Variants in TMEM177 observed in about 807,000 individuals in gnomAD.
TMEM177 encodes the protein transmembrane protein 177.
Under a neutral mutation model 14.2 loss-of-function variants are expected in TMEM177, and 4 were observed. The ratio of observed to expected loss-of-function variants is 0.28; its 90% CI spans 0.14 to 0.64. TMEM177 has a LOEUF of 0.64. Ranked by LOEUF, TMEM177 falls within the 30% of genes least tolerant of loss-of-function variation. TMEM177 has a pLI of 0.82. For synonymous variants in TMEM177, 179 were observed against 174.5 expected (o/e 1.03, Z -0.20); for missense variants, 344 against 405.2 (o/e 0.85, Z 1.30).
At chr2:119,711,336 TCAAA>T in the TMEM177 span, among the ~76,000 whole-genome samples, 1 of 152,176 alleles carries the variant, frequency 6.6e-6, no homozygotes, top group Non-Finnish European at 1.5e-5. Flanking sequence ...CCCACGGAGT[TCAAA>T]CAGTTAAGTA....
At chr2:119,705,984 C>CTCTCTATATGTAT in the TMEM177 span, among the ~76,000 whole-genome samples, 1 of 131,616 alleles carries the variant, frequency 7.6e-6, no homozygotes, top group African/African-American at 2.9e-5. Flanking sequence ...CTCTCTCTCT[C>CTCTCTATATGTAT]TATATATATA....
chr2:119,700,416 G>A, the TMEM177 span, among the ~76,000 whole-genome samples: 1 of 152,166 alleles, frequency 6.6e-6, no homozygotes, highest in Non-Finnish European at 1.5e-5. Flanking sequence ...TAAAGCAACG[G>A]TCAACTCGAG....
chr2:119,696,785 G>A, the TMEM177 span, among the ~76,000 whole-genome samples: 31 of 152,262 alleles, frequency 2.0e-4, no homozygotes, highest in Non-Finnish European at 4.3e-4. Flanking sequence ...CCTGAGGCAG[G>A]AGCGGGCCTG....
chr2:119,696,670 AG>A, the TMEM177 span, among the ~76,000 whole-genome samples: 1 of 152,204 alleles, frequency 6.6e-6, no homozygotes, highest in Non-Finnish European at 1.5e-5. Flanking sequence ...AGTGTGGCCA[AG>A]GACAGCCTAC....
chr2:119,685,641 T>C (rs775227280), downstream of TMEM177: 7 of 717,450 alleles, frequency 9.8e-6, no homozygotes, highest in South Asian at 1.0e-4. Context: ...GGTAATATTA[T>C]TATTTCAATT....
At chr2:119,696,365 C>G in the TMEM177 span, among the ~76,000 whole-genome samples, 1 of 152,152 alleles carries the variant, frequency 6.6e-6, no homozygotes, top group Non-Finnish European at 1.5e-5. Context: ...TCATTTGTCA[C>G]GGACCTCATG....
downstream of TMEM177, among the ~76,000 whole-genome samples, chr2:119,687,008 G>A (rs1689025860): frequency 6.6e-6 from 1 of 152,096 alleles, no homozygotes; most frequent in Non-Finnish European, 1.5e-5. Context: ...AATATTTTTG[G>A]CCCTGGTTCA....
At chr2:119,685,126 G>T (rs1171557875), downstream of TMEM177, among the ~76,000 whole-genome samples, 1 of 151,482 alleles carries the variant, frequency 6.6e-6, no homozygotes, top group African/African-American at 2.4e-5. Context: ...AAGGATGCCC[G>T]ACATCCCAGA....
At chr2:119,684,570 A>AT (rs571192424), downstream of TMEM177, among the ~76,000 whole-genome samples, 384 of 152,258 alleles carry the variant, frequency 2.5e-3, 1 homozygote, top group Non-Finnish European at 4.0e-3. Flanking sequence ...TAGAAACAAT[A>AT]TTTTTTCATA....
chr2:119,721,898 C>CAGGAGA, the TMEM177 span, among the ~76,000 whole-genome samples: 1 of 152,132 alleles, frequency 6.6e-6, no homozygotes, highest in Non-Finnish European at 1.5e-5. Context: ...AGACAATCAC[C>CAGGAGA]AGGAGAATGT....
At chr2:119,709,270 T>G in the TMEM177 span, among the ~76,000 whole-genome samples, 2 of 152,222 alleles carry the variant, frequency 1.3e-5, no homozygotes, top group Non-Finnish European at 2.9e-5. Context: ...GTCGTGGCCA[T>G]TTAGAGATGG....
chr2:119,716,930 G>C, the TMEM177 span, among the ~76,000 whole-genome samples: 2 of 152,214 alleles, frequency 1.3e-5, no homozygotes, highest in East Asian at 1.9e-4. Context: ...TGGAAGTAGT[G>C]AAGGGAGTTT....
At chr2:119,701,568 A>G in the TMEM177 span, among the ~76,000 whole-genome samples, 7 of 152,304 alleles carry the variant, frequency 4.6e-5, no homozygotes, top group East Asian at 1.9e-4. Context: ...CCGGTGTCCC[A>G]GCGCAGTGAC....
chr2:119,702,464 T>G, the TMEM177 span, among the ~76,000 whole-genome samples: 1 of 152,178 alleles, frequency 6.6e-6, no homozygotes. Context: ...CAAAGAGGAT[T>G]GGTGGCTCCT....
At chr2:119,703,073 G>A in the TMEM177 span, among the ~76,000 whole-genome samples, 12 of 152,350 alleles carry the variant, frequency 7.9e-5, no homozygotes, top group South Asian at 1.9e-3. Context: ...AGGAGCCCCC[G>A]GGAGAAGGGC....
downstream of TMEM177, chr2:119,685,920 TC>T: frequency 3.6e-6 from 2 of 559,728 alleles, no homozygotes; most frequent in Admixed American, 6.5e-5. Flanking sequence ...GAGCAGAACT[TC>T]CGAGGAGACC....
At chr2:119,713,903 C>G in the TMEM177 span, among the ~76,000 whole-genome samples, 1 of 152,228 alleles carries the variant, frequency 6.6e-6, no homozygotes. Context: ...CCAGGGCAGA[C>G]CCACCACCAG....
At chr2:119,695,188 G>A in the TMEM177 span, among the ~76,000 whole-genome samples, 1 of 152,198 alleles carries the variant, frequency 6.6e-6, no homozygotes, top group Non-Finnish European at 1.5e-5. Flanking sequence ...TAAGCTCAAC[G>A]AAGGTGACAG....
the TMEM177 span, among the ~76,000 whole-genome samples, chr2:119,708,166 C>T: frequency 6.6e-6 from 1 of 152,186 alleles, no homozygotes; most frequent in African/African-American, 2.4e-5. Context: ...CCTCAAAGTC[C>T]TTCTGTTTTC....
Sources: allele counts gnomAD v4.1 joint callset (sites outside exome capture counted in the v4.1 genomes callset), GRCh38; gene constraint gnomAD v4.1.1; transcripts MANE v1.5; gene names NCBI Gene and HGNC (gene_info 2026-07-23, HGNC 2026-07-21).